PCDHA2: variants seen among roughly 807,000 people sequenced by gnomAD.
PCDHA2 encodes protocadherin alpha 2, also known as protocadherin alpha-2.
PCDHA2 carries 58 observed loss-of-function variants against 66.0 expected under a neutral mutation model. The ratio of observed to expected loss-of-function variants is 0.88; its 90% CI spans 0.71 to 1.09. The LOEUF is 1.09. PCDHA2 is among the 50% of genes least tolerant of loss of function. PCDHA2 has a pLI of 0.00. For missense variants in PCDHA2, 1,267 were observed against 1,242.3 expected (o/e 1.02, Z -0.30); for synonymous variants, 634 against 554.0 (o/e 1.14, Z -2.03).
intron 3 of PCDHA2, among the ~76,000 whole-genome samples, chr5:140,990,831 A>G (rs1004872074): frequency 6.6e-6 from 1 of 152,192 alleles, no homozygotes; most frequent in Non-Finnish European, 1.5e-5. Context: ...GCTAAAGCCT[A>G]TTAGCAAAAA....
chr5:140,857,754 C>G, intron 1 of PCDHA2: 1 of 1,597,392 alleles, frequency 6.3e-7, no homozygotes, highest in Non-Finnish European at 8.6e-7. Flanking sequence ...GCGTCTCCCG[C>G]TGGCAGCGCG....
chr5:140,963,288 G>A (rs908553196), intron 1 of PCDHA2, among the ~76,000 whole-genome samples: 2 of 152,126 alleles, frequency 1.3e-5, no homozygotes, highest in Non-Finnish European at 2.9e-5. Flanking sequence ...ATTTTATAAG[G>A]AGGAGAGAAA....
chr5:140,940,903 A>T (rs1177865937), intron 1 of PCDHA2, among the ~76,000 whole-genome samples: 1 of 152,242 alleles, frequency 6.6e-6, no homozygotes, highest in Admixed American at 6.5e-5. Context: ...CTTTAAATCA[A>T]GTTCAAGACT....
chr5:140,861,316 C>T (rs1554154495), intron 1 of PCDHA2: 4 of 215,598 alleles, frequency 1.9e-5, no homozygotes, highest in African/African-American at 9.3e-5. Context: ...AGGACCAGTT[C>T]CACTACACCA....
At chr5:140,834,336 ATTCGAAGGCAAGTTTTGCTGACTAG>A in intron 1 of PCDHA2, 1 of 1,499,956 alleles carries the variant, frequency 6.7e-7, no homozygotes, top group Non-Finnish European at 9.0e-7. Context: ...ATTCCTATAA[ATTCGAAGGCAAGTTTTGCTGACTAG>A]AAAAACAAGC....
At position 140,877,641 on chromosome 5, in the gene PCDHA2, C is replaced by G. The variant is rs548787462; in HGVS notation, c.2388+80289C>G. ...TGCTGCTGTACACTGCGCTGCGTTG[C>G]TCAGCGCCGCCCACCGTGAGCCGGT... On this transcript the variant is annotated intron_variant, in intron 1 of 3. Transcript: ENST00000526136. 6.2e-6 allele frequency: 10 copies of G among 1,613,592 alleles called. 1 individual carries two copies. In the South Asian group the frequency reaches 9.9e-5, roughly 16 times the overall value.
At chr5:140,865,235 C>A (rs982582356) in intron 1 of PCDHA2, 2 of 152,098 alleles carry the variant, frequency 1.3e-5, no homozygotes, top group African/African-American at 4.8e-5. Flanking sequence ...CCAGAGAACA[C>A]GTATTTATAG....
chr5:140,835,582 C>T, intron 1 of PCDHA2: 1 of 1,613,912 alleles, frequency 6.2e-7, no homozygotes, highest in Non-Finnish European at 8.5e-7. Context: ...TTGGTGTCCA[C>T]CTTCAAGAAT....
intron 1 of PCDHA2, among the ~76,000 whole-genome samples, chr5:140,942,619 T>TA (rs35075175): frequency 5.6e-4 from 83 of 148,996 alleles, no homozygotes; most frequent in Non-Finnish European, 6.7e-4. Flanking sequence ...TTGCCAATTG[T>TA]AAAAAAAAAA....
rs922814873 is a variant in PCDHA2, at chr5:140,802,598, C to A, written c.2388+5246C>A. 3.7e-6 allele frequency: 6 copies of A among 1,613,984 alleles called. No homozygotes were observed. Among genetic ancestry groups the A allele is most frequent in the Middle Eastern group, 3.3e-4 (2 of 6,016 alleles). ...AGTACACGGTGTTCGTGAAGGAGAA[C>A]AACCCGCCGGGCTGCCACATCTTCA... is the stretch of plus-strand genomic sequence containing the variant. On this transcript the variant is annotated intron_variant, in intron 1 of 3. Coordinates refer to ENST00000526136, the MANE Select transcript of PCDHA2 (RefSeq NM_018905.3).
chr5:140,860,551 GA>G (rs781917307), intron 1 of PCDHA2: 4 of 152,042 alleles, frequency 2.6e-5, no homozygotes, highest in Non-Finnish European at 5.9e-5. Context: ...ACCCACCTTT[GA>G]AGAGGTACTG....
At chr5:140,946,948 T>C (rs1315606645) in intron 1 of PCDHA2, among the ~76,000 whole-genome samples, 2 of 151,534 alleles carry the variant, frequency 1.3e-5, no homozygotes, top group African/African-American at 4.8e-5. Context: ...TTAAGAATAA[T>C]GTATATTTCA....
rs782194525 is a variant in PCDHA2 at position 140,927,807 on chromosome 5, C to T, written c.2389-51142C>T. The T allele has an allele frequency of 8.7e-6, 14 of 1,614,088 alleles. No homozygotes were observed. In the African/African-American group the frequency reaches 1.3e-4, roughly 15 times the overall value. Reference sequence around the variant, plus strand: ...CTTCACTAGGTCCGCCTGAAACGCTCTTGGAGGCATACATTGAGGCGAGGG... The same window carrying T: ...CTTCACTAGGTCCGCCTGAAACGCTTTTGGAGGCATACATTGAGGCGAGGG... On this transcript the variant is annotated intron_variant, in intron 1 of 3. Coordinates refer to ENST00000526136, the MANE Select transcript of PCDHA2 (RefSeq NM_018905.3).
At chr5:140,998,687 C>T (rs922040842) in intron 3 of PCDHA2, among the ~76,000 whole-genome samples, 9 of 152,042 alleles carry the variant, frequency 5.9e-5, no homozygotes, top group Non-Finnish European at 1.5e-5. Flanking sequence ...GCCTCAGCCT[C>T]CCAAGTAGCT....
intron 1 of PCDHA2, among the ~76,000 whole-genome samples, chr5:140,903,429 G>A (rs782504374): frequency 1.3e-5 from 2 of 152,180 alleles, no homozygotes; most frequent in Non-Finnish European, 2.9e-5. Context: ...AGCACAATAT[G>A]TATCAGTGGA....
At chr5:140,870,388 G>C in intron 1 of PCDHA2, 1 of 1,614,232 alleles carries the variant, frequency 6.2e-7, no homozygotes, top group Non-Finnish European at 8.5e-7. Flanking sequence ...TGCGCGGGAT[G>C]GGGGTTCGCC....
chr5:140,823,088 C>T (rs1554129125), intron 1 of PCDHA2: 5 of 1,613,882 alleles, frequency 3.1e-6, no homozygotes, highest in Non-Finnish European at 4.2e-6. Context: ...TGGGCCACCG[C>T]CAGCGTGTCT....
At chr5:140,810,656 G>A (rs1215251146) in intron 1 of PCDHA2, 1 of 143,766 alleles carries the variant, frequency 7.0e-6, no homozygotes, top group African/African-American at 2.7e-5. Context: ...TCTCTAGTCT[G>A]TTGTTTTTCT....
chr5:140,910,577 C>T (rs1425639563), intron 1 of PCDHA2, among the ~76,000 whole-genome samples: 1 of 152,186 alleles, frequency 6.6e-6, no homozygotes, highest in Non-Finnish European at 1.5e-5. Flanking sequence ...TTTCTGGATC[C>T]TCCCAGCTGG....
Sources: gnomAD v4.1 joint callset for allele counts (sites outside exome capture counted in the v4.1 genomes callset) on GRCh38, gnomAD v4.1.1 for gene constraint, MANE v1.5 for transcripts, NCBI Gene and HGNC (gene_info 2026-07-23, HGNC 2026-07-21) for gene names.